TRIQK: variants seen among roughly 807,000 people sequenced by gnomAD.
TRIQK encodes the protein triple QxxK/R motif-containing protein.
A neutral mutation model predicts 10.8 loss-of-function variants in TRIQK; 10 were observed. The ratio of observed to expected loss-of-function variants is 0.92; its 90% confidence interval spans 0.57 to 1.57. The LOEUF is 1.57. TRIQK is among the 40% of genes most tolerant of loss of function. The probability of loss-of-function intolerance (pLI) is 0.00; values close to 1 mark genes in which losing one functional copy is unlikely to be tolerated. For missense variants in TRIQK, 107 were observed against 97.7 expected, an observed-to-expected ratio of 1.09 and a Z score of -0.40; for synonymous variants, 33 against 33.7, an observed-to-expected ratio of 0.98 and a Z score of 0.07.
At chr8:93,005,114 G>A (rs1164085065) in intron 1 of TRIQK, among the ~76,000 whole-genome samples, 1 of 152,110 alleles carries the variant, frequency 6.6e-6, no homozygotes, top group African/African-American at 2.4e-5. Flanking sequence ...TTTTCACACT[G>A]CTATAAAGAA....
At chr8:92,912,232 T>C (rs1421057286) in intron 3 of TRIQK, among the ~76,000 whole-genome samples, 1 of 151,702 alleles carries the variant, frequency 6.6e-6, no homozygotes, top group Admixed American at 6.6e-5. Context: ...GTATCTTTTA[T>C]GAGCACAATA....
intron 1 of TRIQK, among the ~76,000 whole-genome samples, chr8:92,993,510 AG>A (rs1186013796): frequency 6.6e-6 from 1 of 152,196 alleles, no homozygotes; most frequent in Non-Finnish European, 1.5e-5. Context: ...CATTGTAGTC[AG>A]AACAGACTGT....
intron 1 of TRIQK, among the ~76,000 whole-genome samples, chr8:92,996,651 T>C (rs534473859): frequency 1.3e-5 from 2 of 152,148 alleles, no homozygotes; most frequent in East Asian, 1.9e-4. Context: ...TAATATTGAA[T>C]GGTTATGTTA....
intron 3 of TRIQK, among the ~76,000 whole-genome samples, chr8:92,896,338 G>A (rs577562683): frequency 6.6e-6 from 1 of 152,332 alleles, no homozygotes; most frequent in African/African-American, 2.4e-5. Flanking sequence ...GTGGGGCCAT[G>A]GAGGCCCCCA....
At chr8:92,937,326 G>C (rs1811043438) in intron 2 of TRIQK, among the ~76,000 whole-genome samples, 1 of 151,380 alleles carries the variant, frequency 6.6e-6, no homozygotes, top group African/African-American at 2.4e-5. Flanking sequence ...GCACCCAAAT[G>C]ATAAACGCCA....
chr8:92,894,874 A>G (rs1329024275), intron 3 of TRIQK, among the ~76,000 whole-genome samples: 1 of 152,132 alleles, frequency 6.6e-6, no homozygotes, highest in Non-Finnish European at 1.5e-5. Context: ...AACTAATTCT[A>G]TAGAGACTGT....
chr8:92,954,833 A>G (rs1457739432), intron 1 of TRIQK, among the ~76,000 whole-genome samples: 1 of 151,862 alleles, frequency 6.6e-6, no homozygotes, highest in Admixed American at 6.6e-5. Context: ...AATTTATGTG[A>G]CCCAGTGTGT....
At chr8:92,967,598 G>T (rs139692812), upstream of TRIQK, among the ~76,000 whole-genome samples, 40 of 152,080 alleles carry the variant, frequency 2.6e-4, no homozygotes, top group East Asian at 7.4e-3. Context: ...GAGGTGGACG[G>T]ATTGCCTGAG....
intron 1 of TRIQK, among the ~76,000 whole-genome samples, chr8:93,002,869 G>C (rs1000542202): frequency 6.6e-6 from 1 of 150,996 alleles, no homozygotes; most frequent in African/African-American, 2.4e-5. Context: ...GCAGTGACCC[G>C]AGATCCTGCC....
At chr8:92,999,265 G>A (rs1445651265) in intron 1 of TRIQK, among the ~76,000 whole-genome samples, 1 of 151,990 alleles carries the variant, frequency 6.6e-6, no homozygotes, top group East Asian at 1.9e-4. Context: ...GTTTTTCTGT[G>A]CAAATGACAT....
intron 1 of TRIQK, among the ~76,000 whole-genome samples, chr8:93,006,110 C>T (rs1463112120): frequency 1.3e-5 from 2 of 149,846 alleles, no homozygotes; most frequent in Admixed American, 6.7e-5. Context: ...ACCACGGAGG[C>T]GAAAGGGATC....
chr8:92,964,998 TC>T (rs1249499976), intron 1 of TRIQK: 1 of 152,208 alleles, frequency 6.6e-6, no homozygotes. Flanking sequence ...TTTTGTTTTT[TC>T]TCTCTGGAAT....
chr8:92,981,666 T>C (rs1812988457), intron 1 of TRIQK, among the ~76,000 whole-genome samples: 1 of 151,866 alleles, frequency 6.6e-6, no homozygotes, highest in Admixed American at 6.6e-5. Flanking sequence ...TTCTAAATGG[T>C]CTAATATTAA....
intron 3 of TRIQK, among the ~76,000 whole-genome samples, chr8:92,912,892 A>G (rs1307320654): frequency 6.6e-6 from 1 of 152,028 alleles, no homozygotes; most frequent in Non-Finnish European, 1.5e-5. Context: ...GAAACATTAA[A>G]AAAAAATCCT....
chr8:92,893,059 C>A (rs1378332417), intron 3 of TRIQK, among the ~76,000 whole-genome samples: 4 of 151,746 alleles, frequency 2.6e-5, no homozygotes, highest in African/African-American at 9.7e-5. Flanking sequence ...ATGACCAGTT[C>A]CTTTACAAAA....
chr8:92,963,155 G>A (rs1812545172), intron 1 of TRIQK, among the ~76,000 whole-genome samples: 1 of 152,276 alleles, frequency 6.6e-6, no homozygotes, highest in African/African-American at 2.4e-5. Flanking sequence ...AAAGAGTCAA[G>A]TACCAAACAG....
At chr8:92,922,359 T>C (rs774611065) in intron 2 of TRIQK, 1 of 151,860 alleles carries the variant, frequency 6.6e-6, no homozygotes, top group Non-Finnish European at 1.5e-5. Flanking sequence ...CTAGGGAAGA[T>C]ACCACTCCAT....
intron 1 of TRIQK, among the ~76,000 whole-genome samples, chr8:92,960,079 T>TA (rs765027611): frequency 6.6e-6 from 1 of 152,248 alleles, no homozygotes; most frequent in Admixed American, 6.5e-5. Flanking sequence ...ATGCCTTACA[T>TA]AAAAAAGGCC....
intron 3 of TRIQK, among the ~76,000 whole-genome samples, chr8:92,904,392 G>C (rs1348951700): frequency 6.6e-6 from 1 of 152,148 alleles, no homozygotes; most frequent in Admixed American, 6.6e-5. Context: ...TTGACTATAT[G>C]ATGAATAACT....
Sources: allele counts gnomAD v4.1 joint callset (sites outside exome capture counted in the v4.1 genomes callset), GRCh38; gene constraint gnomAD v4.1.1; transcripts MANE v1.5; gene names NCBI Gene and HGNC (gene_info 2026-07-23, HGNC 2026-07-21).